DCAF8L2: variants seen among roughly 807,000 people sequenced by gnomAD.
The protein encoded by DCAF8L2 is DDB1- and CUL4-associated factor 8-like protein 2.
For missense variants in DCAF8L2, 430 were observed against 490.7 expected (o/e 0.88, Z 1.17); for synonymous variants, 200 against 190.9 (o/e 1.05, Z -0.39).
At chrX:27,637,386 A>C in intron 2 of DCAF8L2, among the ~76,000 whole-genome samples, 1 of 111,969 alleles carries the variant, frequency 8.9e-6, no homozygotes, top group East Asian at 2.8e-4. Flanking sequence ...TATGGTGACC[A>C]CTACCCAAAT....
the DCAF8L2 span, among the ~76,000 whole-genome samples, chrX:27,545,954 C>T: frequency 1.8e-5 from 2 of 111,850 alleles, no homozygotes; most frequent in Non-Finnish European, 3.8e-5. Flanking sequence ...ATTTCAAAAC[C>T]AATCATGCCT....
the DCAF8L2 span, among the ~76,000 whole-genome samples, chrX:27,489,639 G>T: frequency 3.6e-5 from 4 of 111,548 alleles, no homozygotes; most frequent in Non-Finnish European, 7.5e-5. Context: ...ATGTTATTTG[G>T]GTGAAGTTTT....
intron 2 of DCAF8L2, among the ~76,000 whole-genome samples, chrX:27,635,024 G>C (rs1846636553): frequency 9.1e-6 from 1 of 109,959 alleles, no homozygotes; most frequent in African/African-American, 3.3e-5. Flanking sequence ...AGAGCTCTTA[G>C]AATAGTACCT....
At chrX:27,593,905 G>T (rs182870561) in intron 1 of DCAF8L2, among the ~76,000 whole-genome samples, 1 of 111,872 alleles carries the variant, frequency 8.9e-6, no homozygotes. Context: ...TGTGTAAAAT[G>T]GTGCTACCAT....
the DCAF8L2 span, among the ~76,000 whole-genome samples, chrX:27,517,128 G>A: frequency 1.8e-5 from 2 of 111,355 alleles, no homozygotes; most frequent in South Asian, 7.5e-4. Context: ...TATCCAATTA[G>A]GTAATTAAAT....
At chrX:27,521,150 C>T in the DCAF8L2 span, among the ~76,000 whole-genome samples, 3 of 112,068 alleles carry the variant, frequency 2.7e-5, no homozygotes, top group Non-Finnish European at 5.6e-5. Flanking sequence ...AAATACATTT[C>T]TTTACATAAT....
chrX:27,675,400 A>G (rs1930104841), intron 2 of DCAF8L2, among the ~76,000 whole-genome samples: 2 of 112,088 alleles, frequency 1.8e-5, no homozygotes, highest in Non-Finnish European at 1.9e-5. Flanking sequence ...AAAACATTGT[A>G]AAATTTTGGC....
the DCAF8L2 span, among the ~76,000 whole-genome samples, chrX:27,489,090 T>A: frequency 1.8e-5 from 2 of 111,331 alleles, no homozygotes; most frequent in East Asian, 5.7e-4. Flanking sequence ...AAAATTCAAA[T>A]AGGTTTTTGT....
chrX:27,587,993 T>A (rs1216864128), upstream of DCAF8L2, among the ~76,000 whole-genome samples: 2,111 of 49,964 alleles, frequency 0.042, 80 homozygotes, highest in African/African-American at 0.15. Flanking sequence ...AAAATATATA[T>A]ATATATATAT....
At chrX:27,677,663 C>T (rs1930187176) in intron 2 of DCAF8L2, among the ~76,000 whole-genome samples, 173 bp from the exon 3 acceptor site, 1 of 111,531 alleles carries the variant, frequency 9.0e-6, no homozygotes. Context: ...AAGTGGAGGC[C>T]AGGTCATGCA....
chrX:27,518,843 A>G, the DCAF8L2 span: 1 of 546,460 alleles, frequency 1.8e-6, no homozygotes, highest in Non-Finnish European at 3.3e-6. Flanking sequence ...ATTTATGAGC[A>G]TGATGACAAG....
chrX:27,723,370 T>A (rs1255219870), intron 4 of DCAF8L2, among the ~76,000 whole-genome samples: 1 of 110,015 alleles, frequency 9.1e-6, no homozygotes, highest in Non-Finnish European at 1.9e-5. Flanking sequence ...GAAAAAAAAC[T>A]CCTAGAAATC....
the DCAF8L2 span, among the ~76,000 whole-genome samples, chrX:27,498,900 A>T: frequency 8.9e-6 from 1 of 112,020 alleles, no homozygotes; most frequent in Non-Finnish European, 1.9e-5. Flanking sequence ...TTTAGGCTGA[A>T]TAATATTCCA....
At chrX:27,475,994 C>CA in the DCAF8L2 span, among the ~76,000 whole-genome samples, 434 of 110,857 alleles carry the variant, frequency 3.9e-3, 1 homozygote, top group African/African-American at 0.013. Context: ...ATTATAGGGG[C>CA]ACATGGGACA....
intron 2 of DCAF8L2, among the ~76,000 whole-genome samples, chrX:27,646,485 A>G (rs1000727313): frequency 3.6e-5 from 4 of 111,930 alleles, no homozygotes; most frequent in African/African-American, 9.7e-5. Context: ...AGGCAATACC[A>G]TGCAAAACAT....
At chrX:27,579,328 G>A in the DCAF8L2 span, among the ~76,000 whole-genome samples, 1 of 110,912 alleles carries the variant, frequency 9.0e-6, no homozygotes, top group Non-Finnish European at 1.9e-5. Context: ...AGCACTGCAT[G>A]TTTTCACCTA....
At position 27,631,960 on chromosome X, in the gene DCAF8L2, T is replaced by C. The variant is rs1375522903; in HGVS notation, c.-260T>C. The C allele has an allele frequency of 1.8e-5, 2 of 111,455 alleles. No homozygotes were observed. Among genetic ancestry groups the C allele is most frequent in the Non-Finnish European group, 3.8e-5 (2 of 53,168 alleles). The allele number at this position is 111,455 out of a possible 1,213,427, so 9.2% of individuals were successfully genotyped here. A position where few individuals can be genotyped will look rare whatever the true frequency, so the allele number is the denominator to read the frequency against. On this transcript the variant is annotated 5_prime_UTR_variant, in exon 2 of 5. The change abolishes the stop of an existing upstream ORF in the 5' untranslated region. Transcript: ENST00000451261. ...TCTGATGCCTGGGGCTGCAGGATCC[T>C]AGTTGGTTCCTGTGACAGACCTTGG...
the DCAF8L2 span, among the ~76,000 whole-genome samples, chrX:27,564,151 A>G: frequency 2.7e-5 from 3 of 111,889 alleles, no homozygotes; most frequent in African/African-American, 9.7e-5. Flanking sequence ...TCATGGCAGA[A>G]GAGGAAGTAA....
Position 27,747,975 on chromosome X carries a change from A to G in DCAF8L2, c.1080A>G (p.Thr360=). Residue 360 remains threonine (T), a synonymous_variant, in exon 5 of 5, where the codon ACA becomes ACG. Coordinates refer to ENST00000451261, the MANE Select transcript of DCAF8L2 (RefSeq NM_001353450.2). ...QDRPASKVVV[T]RENDKKVGLY... is the part of the protein sequence containing the mutation. ...GGCCAGCTTCAAAAGTTGTGGTAAC[A>G]AGAGAAAATGATAAGAAAGTGGGAC... 1.7e-6 allele frequency: 2 copies of G among 1,211,937 alleles called. No individual in the cohort carries two copies. The highest frequency in any genetic ancestry group is 2.3e-4 in the Middle Eastern group (1 of 4,353).
Sources: allele counts gnomAD v4.1 joint callset (sites outside exome capture counted in the v4.1 genomes callset), GRCh38; gene constraint gnomAD v4.1.1; transcripts MANE v1.5; gene names NCBI Gene and HGNC (gene_info 2026-07-23, HGNC 2026-07-21).